The following CDH12 variants were observed in gnomAD, a reference collection of about 807,000 sequenced individuals.
CDH12 encodes cadherin-12.
Under a neutral mutation model 74.1 loss-of-function variants are expected in CDH12, and 41 were observed. That is an observed-to-expected ratio of 0.55 (90% CI 0.43 to 0.72). The LOEUF is 0.72. Ranked by LOEUF, CDH12 falls within the 30% of genes least tolerant of loss-of-function variation. CDH12 has a pLI of 0.00. For synonymous variants in CDH12, 399 were observed against 355.0 expected (o/e 1.12, Z -1.39); for missense variants, 945 against 977.2 (o/e 0.97, Z 0.44).
At chr5:21,995,573 G>A (rs534652813) in intron 5 of CDH12, among the ~76,000 whole-genome samples, 1 of 151,940 alleles carries the variant, frequency 6.6e-6, no homozygotes, top group East Asian at 2.0e-4. Flanking sequence ...TATACTAAAT[G>A]TCTGTGGAAA....
At chr5:22,438,635 T>C (rs912482467) in intron 2 of CDH12, among the ~76,000 whole-genome samples, 1 of 152,060 alleles carries the variant, frequency 6.6e-6, no homozygotes, top group African/African-American at 2.4e-5. Context: ...AAATGCTCAA[T>C]AATCTCATGT....
At chr5:22,208,317 T>C (rs577697422) in intron 4 of CDH12, among the ~76,000 whole-genome samples, 4 of 152,302 alleles carry the variant, frequency 2.6e-5, no homozygotes, top group South Asian at 4.2e-4. Context: ...CACCACTGCA[T>C]GGTATGCCTG....
chr5:21,988,841 T>G lies in CDH12; in HGVS notation c.232-13456A>C, dbSNP rs187102302. On this transcript the variant is annotated intron_variant, in intron 5 of 14. Coordinates refer to ENST00000382254, the MANE Select transcript of CDH12 (RefSeq NM_004061.5). ...TTAAAACTTCACAAGCTTTTGGATT[T>G]TTTAACAAATATTAGGGCTGTGCTT... Among the ~76,000 whole-genome samples the G allele has an allele frequency of 7.6e-3, 1,154 of 152,252 alleles. 14 individuals carry two copies. The highest frequency in any genetic ancestry group is 0.026 in the African/African-American group (1,097 of 41,566).
At chr5:22,700,566 G>A (rs895648954) in intron 1 of CDH12, among the ~76,000 whole-genome samples, 7 of 152,126 alleles carry the variant, frequency 4.6e-5, no homozygotes, top group Non-Finnish European at 8.8e-5. Context: ...GTTTCTTATC[G>A]CCTAAGCAGA....
At chr5:21,902,716 C>T (rs1282488234) in intron 6 of CDH12, among the ~76,000 whole-genome samples, 1 of 152,014 alleles carries the variant, frequency 6.6e-6, no homozygotes, top group Non-Finnish European at 1.5e-5. Context: ...TTAAAAGAGA[C>T]TAATATAAAT....
chr5:21,757,141 A>AT lies in CDH12; in HGVS notation c.1634-1300dup, dbSNP rs1744444981. ...TTCTTGAACTCAATGTATGTGTCAA[A>AT]TGGCAGCCTAACCCTTTTTAAAATG... On this transcript the variant is annotated intron_variant, in intron 13 of 14. Transcript: ENST00000382254. Among the ~76,000 whole-genome samples the AT allele has an allele frequency of 2.0e-5, 3 of 152,092 alleles. No homozygotes were observed. The South Asian group carries it at 6.2e-4, about 32-fold the overall frequency.
At chr5:22,283,744 C>T (rs1231457856) in intron 3 of CDH12, among the ~76,000 whole-genome samples, 1 of 151,986 alleles carries the variant, frequency 6.6e-6, no homozygotes, top group Non-Finnish European at 1.5e-5. Context: ...CTTGAAAATT[C>T]TGACAATAGA....
chr5:22,156,847 G>A (rs1748049014), intron 4 of CDH12, among the ~76,000 whole-genome samples: 1 of 152,128 alleles, frequency 6.6e-6, no homozygotes, highest in African/African-American at 2.4e-5. Context: ...CTGTGTTAAT[G>A]CGTATTGATT....
chr5:21,802,292 G>A lies in CDH12; in HGVS notation c.1131C>T (p.Asp377=). The A allele has an allele frequency of 1.2e-6, 2 of 1,613,790 alleles. No homozygotes were observed. The highest frequency in any genetic ancestry group is 1.7e-6 in the Non-Finnish European group (2 of 1,179,948). ...DTATVKISVL[D]VDEPPVFSKP... ...TGCTGAAAACCGGTGGCTCATCTAC[G>A]TCCAGCACGCTGATCTTCACCGTAG... The change falls in exon 10 of 15, where the codon GAC becomes GAT. Residue 377 remains aspartate, a synonymous_variant. Coordinates refer to ENST00000382254, the MANE Select transcript of CDH12 (RefSeq NM_004061.5).
intron 3 of CDH12, among the ~76,000 whole-genome samples, chr5:22,366,588 C>T (rs890792231): frequency 5.9e-5 from 9 of 152,254 alleles, no homozygotes; most frequent in African/African-American, 2.2e-4. Context: ...CGTTTTGAGA[C>T]TTCAGAAAAT....
chr5:22,535,240 C>T (rs180694980), intron 1 of CDH12, among the ~76,000 whole-genome samples: 95 of 150,272 alleles, frequency 6.3e-4, no homozygotes, highest in African/African-American at 1.0e-3. Flanking sequence ...ATGCAAGCTC[C>T]GCTTCCCGGG....
At chr5:21,832,015 A>C (rs980746251) in intron 8 of CDH12, among the ~76,000 whole-genome samples, 3 of 152,136 alleles carry the variant, frequency 2.0e-5, no homozygotes, top group Non-Finnish European at 2.9e-5. Flanking sequence ...ATGGCCTTTA[A>C]CATTATTTTT....
rs555860766 is a variant in CDH12, at chr5:22,495,887, T to C, written c.-428+9383A>G. ...AACACAGAAGAGGGGGAACATTCTA[T>C]TCCTTGAAAATTCTAGAGGAAAACA... On this transcript the variant is annotated intron_variant, in intron 2 of 14. Coordinates refer to ENST00000382254, the MANE Select transcript of CDH12 (RefSeq NM_004061.5). Among the ~76,000 whole-genome samples, 4 of 152,282 alleles carry C rather than the reference T, an allele frequency of 2.6e-5. No individual in the cohort carries two copies. In the South Asian group the frequency reaches 8.3e-4, roughly 32 times the overall value.
chr5:21,816,146 C>A (rs1167331106), intron 9 of CDH12, among the ~76,000 whole-genome samples: 3 of 152,084 alleles, frequency 2.0e-5, no homozygotes, highest in Non-Finnish European at 4.4e-5. Context: ...CTGCCTCTGC[C>A]ATCCCTGACA....
At chr5:22,010,581 T>G (rs1737239617) in intron 5 of CDH12, among the ~76,000 whole-genome samples, 1 of 152,232 alleles carries the variant, frequency 6.6e-6, no homozygotes, top group African/African-American at 2.4e-5. Flanking sequence ...GATAGTTTTC[T>G]GAATAAAATA....
chr5:22,046,511 A>G (rs1048420883), intron 5 of CDH12, among the ~76,000 whole-genome samples: 4 of 145,614 alleles, frequency 2.7e-5, no homozygotes, highest in Non-Finnish European at 5.9e-5. Context: ...GGCTCACTGC[A>G]AGCTCTGCCT....
intron 6 of CDH12, among the ~76,000 whole-genome samples, chr5:21,921,655 G>A (rs1754358147): frequency 6.6e-6 from 1 of 152,168 alleles, no homozygotes; most frequent in Non-Finnish European, 1.5e-5. Context: ...AATCCTTTCT[G>A]TTCTCATGCC....
chr5:21,882,624 C>A, intron 6 of CDH12: 5 of 1,605,218 alleles, frequency 3.1e-6, no homozygotes, highest in Non-Finnish European at 4.3e-6. Context: ...CAGATGAGAC[C>A]AGTGTCCAGG....
intron 1 of CDH12, among the ~76,000 whole-genome samples, chr5:22,680,884 A>G (rs1261211202): frequency 6.6e-6 from 1 of 152,068 alleles, no homozygotes; most frequent in African/African-American, 2.4e-5. Context: ...AGTATATACC[A>G]AATACCTTAC....
Sources: allele counts gnomAD v4.1 joint callset (sites outside exome capture counted in the v4.1 genomes callset), GRCh38; gene constraint gnomAD v4.1.1; transcripts MANE v1.5; gene names NCBI Gene and HGNC (gene_info 2026-07-23, HGNC 2026-07-21).